Variants in CREB5 observed in about 807,000 individuals in gnomAD.
The protein encoded by CREB5 is cAMP responsive element binding protein 5.
Under a neutral mutation model 57.1 loss-of-function variants are expected in CREB5, and 19 were observed. The observed-to-expected ratio is 0.33, with a 90% CI of 0.23 to 0.49. The LOEUF is 0.49. Among genes scored for constraint, CREB5 ranks in the 20% least tolerant of loss-of-function variants. The pLI, the probability that CREB5 is intolerant of heterozygous loss-of-function variation, is 0.99. For missense variants in CREB5, 579 were observed against 671.6 expected, an observed-to-expected ratio of 0.86 and a Z score of 1.52; for synonymous variants, 238 against 238.3, an observed-to-expected ratio of 1.00 and a Z score of 0.01.
At chr7:28,410,588 A>G (rs146979641), upstream of CREB5, 513 of 455,680 alleles carry the variant, frequency 1.1e-3, 5 homozygotes, top group East Asian at 0.028. Flanking sequence ...CCCATCCCCA[A>G]CTTTCCCTGG....
At chr7:28,518,808 AGGAT>A (rs1236956691) in intron 4 of CREB5, among the ~76,000 whole-genome samples, 1 of 152,186 alleles carries the variant, frequency 6.6e-6, no homozygotes, top group Admixed American at 6.5e-5. Context: ...GTGGATTGTG[AGGAT>A]GTGACTTGGA....
At chr7:28,680,328 A>G (rs1357778905) in intron 5 of CREB5, among the ~76,000 whole-genome samples, 1 of 152,192 alleles carries the variant, frequency 6.6e-6, no homozygotes, top group African/African-American at 2.4e-5. Flanking sequence ...TCTCCCAAGC[A>G]TAACTGCTCT....
At chr7:28,577,924 A>C (rs1168649687) in intron 5 of CREB5, among the ~76,000 whole-genome samples, 2 of 152,222 alleles carry the variant, frequency 1.3e-5, no homozygotes, top group Non-Finnish European at 2.9e-5. Context: ...CTCTGCTAAC[A>C]GTGGCTTATT....
At chr7:28,528,054 G>A (rs1187345589) in intron 4 of CREB5, among the ~76,000 whole-genome samples, 4 of 152,152 alleles carry the variant, frequency 2.6e-5, no homozygotes, top group Non-Finnish European at 5.9e-5. Context: ...CCAGCAAATT[G>A]CCTTGCACAT....
intron 5 of CREB5, among the ~76,000 whole-genome samples, chr7:28,598,224 T>C (rs1278191072): frequency 6.6e-6 from 1 of 152,034 alleles, no homozygotes; most frequent in African/African-American, 2.4e-5. Context: ...TTGTCAGGGG[T>C]TTCCGCTTTT....
intron 4 of CREB5, chr7:28,513,330 C>A (rs892838234): frequency 2.6e-5 from 4 of 152,336 alleles, no homozygotes; most frequent in South Asian, 2.1e-4. Context: ...CCTTCCCTCC[C>A]CCCAGAAGTA....
intron 5 of CREB5, among the ~76,000 whole-genome samples, chr7:28,696,935 CAT>C (rs1479059417): frequency 5.9e-5 from 9 of 151,566 alleles, no homozygotes; most frequent in South Asian, 2.1e-4. Context: ...ATATACTTCA[CAT>C]ATATGTGTGT....
At chr7:28,632,469 G>A (rs560870409) in intron 5 of CREB5, among the ~76,000 whole-genome samples, 3 of 152,246 alleles carry the variant, frequency 2.0e-5, no homozygotes, top group Admixed American at 6.5e-5. Context: ...TCTCCTGTTG[G>A]TGCCTTCTTT....
In CREB5 at chr7:28,825,338, T is replaced by C. The variant is rs1259448976; in HGVS notation, c.*6059T>C. The C allele has an allele frequency of 6.6e-6, 1 of 152,336 alleles. No homozygotes were observed. The highest frequency in any genetic ancestry group is 1.9e-4 in the East Asian group (1 of 5,196). 9.4% of individuals were successfully genotyped at this position (152,336 alleles called of 1,614,324 possible). A position where few individuals can be genotyped will look rare whatever the true frequency, so the allele number is the denominator to read the frequency against. On this transcript the variant is annotated 3_prime_UTR_variant, in exon 11 of 11. Coordinates refer to ENST00000357727, the MANE Select transcript of CREB5 (RefSeq NM_182898.4). ...AGAAAGGAATGTTGCCTTTGAGAAC[T>C]GTCTTGGAGAACAGATAAGCTTGAA...
chr7:28,421,627 C>A (rs920810063), intron 1 of CREB5, among the ~76,000 whole-genome samples: 43 of 152,022 alleles, frequency 2.8e-4, no homozygotes, highest in African/African-American at 9.9e-4. Flanking sequence ...CTGCATGCCT[C>A]TTTTCTGGCT....
chr7:28,698,354 C>CA lies in CREB5; in HGVS notation c.465-20382dup, dbSNP rs10611948. Among the ~76,000 whole-genome samples the CA allele has an allele frequency of 4.7e-3, 577 of 122,708 alleles. 8 individuals carry two copies. Among genetic ancestry groups the CA allele is most frequent in the Middle Eastern group, 0.022 (5 of 226 alleles). The allele number at this position is 122,708 out of a possible 152,430, so 80.5% of individuals were successfully genotyped here. On this transcript the variant is annotated intron_variant, in intron 5 of 10. Transcript: ENST00000357727. ...TCATCCCCCAAACCCCACTCCCCAC[C>CA]AAAAAAAAAAAAAAAAACACACTCA...
chr7:28,700,672 T>C (rs1801808910), intron 5 of CREB5, among the ~76,000 whole-genome samples: 1 of 151,868 alleles, frequency 6.6e-6, no homozygotes, highest in African/African-American at 2.4e-5. Flanking sequence ...CGCAGGGGAG[T>C]TTGTGCTCAG....
chr7:28,573,487 C>A (rs74876857), intron 5 of CREB5, among the ~76,000 whole-genome samples: 138 of 152,330 alleles, frequency 9.1e-4, no homozygotes, highest in African/African-American at 2.8e-3. Flanking sequence ...CCTGTGCCCA[C>A]GCATAGTGCT....
intron 9 of CREB5, among the ~76,000 whole-genome samples, chr7:28,811,760 T>C (rs903845516): frequency 7.9e-5 from 12 of 152,352 alleles, no homozygotes; most frequent in South Asian, 6.2e-4. Context: ...TCAAAGATAT[T>C]AGTAAGAAGG....
At chr7:28,809,789 C>T (rs1808995480) in intron 9 of CREB5, among the ~76,000 whole-genome samples, 1 of 152,142 alleles carries the variant, frequency 6.6e-6, no homozygotes, top group South Asian at 2.1e-4. Context: ...AGAGTTGTTA[C>T]GTTAGGAGCA....
intron 5 of CREB5, among the ~76,000 whole-genome samples, chr7:28,598,781 C>T (rs1039696465): frequency 2.0e-5 from 3 of 152,112 alleles, no homozygotes; most frequent in African/African-American, 4.8e-5. Flanking sequence ...ATAGGTAGAG[C>T]TGGTAACTTT....
intron 1 of CREB5, among the ~76,000 whole-genome samples, chr7:28,324,882 C>T (rs1475754548): frequency 6.6e-6 from 1 of 152,194 alleles, no homozygotes; most frequent in Non-Finnish European, 1.5e-5. Flanking sequence ...GTAAATAGCC[C>T]TGTCATCCAC....
At chr7:28,783,637 T>A (rs932765988) in intron 7 of CREB5, among the ~76,000 whole-genome samples, 1 of 152,220 alleles carries the variant, frequency 6.6e-6, no homozygotes, top group African/African-American at 2.4e-5. Context: ...TAGTAGCAGA[T>A]GTGTCATCTA....
At chr7:28,615,329 C>T (rs546423572) in intron 5 of CREB5, 7 of 152,288 alleles carry the variant, frequency 4.6e-5, no homozygotes, top group Non-Finnish European at 8.8e-5. Context: ...AGATACTGGC[C>T]TTAAGCAGCA....
Sources: gnomAD v4.1 joint callset for allele counts (sites outside exome capture counted in the v4.1 genomes callset) on GRCh38, gnomAD v4.1.1 for gene constraint, MANE v1.5 for transcripts, NCBI Gene and HGNC (gene_info 2026-07-23, HGNC 2026-07-21) for gene names.